Variants in PRKG1 observed in about 807,000 individuals in gnomAD.
The protein encoded by PRKG1 is cGMP-dependent protein kinase 1.
PRKG1 carries 35 observed loss-of-function variants against 88.1 expected under a neutral mutation model. The ratio of observed to expected loss-of-function variants is 0.40; its 90% CI spans 0.30 to 0.53. The LOEUF (loss-of-function observed/expected upper bound fraction) is 0.53, where lower values mean the gene tolerates loss of function less well. Ranked by LOEUF, PRKG1 falls within the 20% of genes least tolerant of loss-of-function variation. PRKG1 has a pLI of 0.59. For missense variants in PRKG1, 540 were observed against 839.8 expected, an observed-to-expected ratio of 0.64 and a Z score of 4.41; for synonymous variants, 303 against 292.5, an observed-to-expected ratio of 1.04 and a Z score of -0.37.
intron 1 of PRKG1, among the ~76,000 whole-genome samples, chr10:51,122,025 C>T (rs1355517227): frequency 2.6e-5 from 4 of 152,118 alleles, no homozygotes; most frequent in African/African-American, 7.2e-5. Context: ...GTACATCTGT[C>T]GTACCTTCTG....
chr10:52,071,315 C>T lies in PRKG1; in HGVS notation c.935+8684C>T, dbSNP rs117234370. Among the ~76,000 whole-genome samples, 776 of 152,140 alleles carry T rather than the reference C, an allele frequency of 5.1e-3. 3 individuals are homozygous for T. Among genetic ancestry groups the T allele is most frequent in the Non-Finnish European group, 8.0e-3 (547 of 68,006 alleles). ...CCATCTCTGCCTCCCCTCTTTTCAA[C>T]TCTCTAGTGTCTATTGTTCCCATGA... On this transcript the variant is annotated intron_variant, in intron 7 of 17. Coordinates refer to ENST00000373980, the MANE Select transcript of PRKG1 (RefSeq NM_006258.4).
At chr10:51,744,338 C>G (rs1238870660) in intron 3 of PRKG1, among the ~76,000 whole-genome samples, 4 of 152,160 alleles carry the variant, frequency 2.6e-5, no homozygotes, top group Non-Finnish European at 5.9e-5. Flanking sequence ...ATGGAGGCTG[C>G]AACCAGAGTC....
At chr10:51,656,607 G>A (rs930229414) in intron 3 of PRKG1, among the ~76,000 whole-genome samples, 2 of 151,972 alleles carry the variant, frequency 1.3e-5, no homozygotes, top group African/African-American at 2.4e-5. Context: ...GGCTATAATG[G>A]CCTCCTAACT....
chr10:51,160,467 T>C (rs1846330414), intron 2 of PRKG1, among the ~76,000 whole-genome samples: 1 of 152,192 alleles, frequency 6.6e-6, no homozygotes, highest in Non-Finnish European at 1.5e-5. Context: ...TTCCTGGGTC[T>C]TAATGTATGT....
chr10:51,654,739 T>C (rs1405762239), intron 3 of PRKG1, among the ~76,000 whole-genome samples: 1 of 152,290 alleles, frequency 6.6e-6, no homozygotes, highest in Non-Finnish European at 1.5e-5. Context: ...ATAAATCACC[T>C]ATTTATTCTT....
At chr10:51,845,106 C>T (rs1419172201) in intron 4 of PRKG1, among the ~76,000 whole-genome samples, 2 of 152,144 alleles carry the variant, frequency 1.3e-5, no homozygotes, top group Admixed American at 6.6e-5. Flanking sequence ...CTCAAAATAT[C>T]CTTGAGGGCT....
intron 2 of PRKG1, among the ~76,000 whole-genome samples, chr10:51,358,272 G>A (rs1056977110): frequency 1.3e-5 from 2 of 151,858 alleles, no homozygotes; most frequent in Non-Finnish European, 2.9e-5. Context: ...TTCAGAGAGA[G>A]CAATCCAAGA....
intron 2 of PRKG1, among the ~76,000 whole-genome samples, chr10:51,230,122 A>G (rs1051015365): frequency 1.3e-5 from 2 of 152,034 alleles, no homozygotes; most frequent in African/African-American, 4.8e-5. Context: ...TCAGAAAACT[A>G]ACTAAGTAAA....
chr10:51,644,420 T>G (rs1393073906), intron 3 of PRKG1, among the ~76,000 whole-genome samples: 2 of 152,216 alleles, frequency 1.3e-5, no homozygotes, highest in Non-Finnish European at 2.9e-5. Flanking sequence ...ATGTTCAAAT[T>G]CTTGATTTAT....
rs1564511360 is a variant in PRKG1 at position 52,193,562 on chromosome 10, AC to A, written c.1076+31600del. Among the ~76,000 whole-genome samples the A allele has an allele frequency of 1.4e-3, 164 of 120,050 alleles. 6 individuals carry two copies. Among genetic ancestry groups the A allele is most frequent in the African/African-American group, 5.5e-3 (155 of 28,142 alleles). 78.8% of individuals were successfully genotyped at this position (120,050 alleles called of 152,430 possible). On this transcript the variant is annotated intron_variant, in intron 9 of 17. Transcript: ENST00000373980. Reference sequence around the variant, plus strand: ...AGACTCTGTCTCAAAAAAAAAAAAAACAAAAAAAAAAAACAAAAAAAAAACT... The same window carrying A: ...AGACTCTGTCTCAAAAAAAAAAAAAAAAAAAAAAAAAACAAAAAAAAAACT...
chr10:51,046,408 G>A (rs1843488740), intron 1 of PRKG1, among the ~76,000 whole-genome samples: 1 of 152,080 alleles, frequency 6.6e-6, no homozygotes, highest in Admixed American at 6.6e-5. Flanking sequence ...ATACTGTTAG[G>A]GCATTTTCTT....
chr10:51,704,643 G>A (rs1212952254), intron 3 of PRKG1, among the ~76,000 whole-genome samples: 1 of 152,188 alleles, frequency 6.6e-6, no homozygotes, highest in Non-Finnish European at 1.5e-5. Context: ...GCATAGATAG[G>A]TAGAAGATGA....
chr10:52,223,317 A>G (rs1328237259), intron 9 of PRKG1, among the ~76,000 whole-genome samples: 1 of 146,378 alleles, frequency 6.8e-6, no homozygotes, highest in Non-Finnish European at 1.5e-5. Context: ...TCAAGTTTTG[A>G]TTATCACGTC....
chr10:51,831,629 C>T (rs1012508281), intron 4 of PRKG1, among the ~76,000 whole-genome samples: 2 of 152,152 alleles, frequency 1.3e-5, no homozygotes, highest in African/African-American at 4.8e-5. Flanking sequence ...CCTTTGAGTT[C>T]ACTATATTCC....
intron 1 of PRKG1, among the ~76,000 whole-genome samples, chr10:51,099,112 T>A (rs1844614432): frequency 1.3e-5 from 2 of 152,266 alleles, no homozygotes; most frequent in Non-Finnish European, 2.9e-5. Context: ...CCTTAATAAA[T>A]TCTTGCATGT....
chr10:51,909,340 C>A (rs1842162730), intron 5 of PRKG1: 1 of 151,842 alleles, frequency 6.6e-6, no homozygotes, highest in Non-Finnish European at 1.5e-5. Flanking sequence ...TTCTGTGGGA[C>A]CAAATGCGGA....
intron 3 of PRKG1, among the ~76,000 whole-genome samples, chr10:51,688,878 T>C (rs1197305752): frequency 2.6e-5 from 4 of 152,172 alleles, no homozygotes; most frequent in Non-Finnish European, 2.9e-5. Flanking sequence ...TCAAATCTCA[T>C]CTTGTAGCTC....
intron 5 of PRKG1, among the ~76,000 whole-genome samples, chr10:52,014,834 A>G (rs983518117): frequency 4.6e-5 from 7 of 152,354 alleles, no homozygotes; most frequent in African/African-American, 1.7e-4. Flanking sequence ...CAGGGCATTC[A>G]TTAAATCTTA....
At position 52,282,180 on chromosome 10, in the gene PRKG1, G is replaced by C. The variant is rs757178752; in HGVS notation, c.1573G>C (p.Gly525Arg). ...TGATTTTGGCTTTGCAAAGAAAATAGGATTTGGAAAGAAAACATGGACTTT... is the reference window on the plus strand; with the variant it reads ...TGATTTTGGCTTTGCAAAGAAAATACGATTTGGAAAGAAAACATGGACTTT... ...LVDFGFAKKI[G>R]FGKKTWTFCG... The change falls in exon 14 of 18, where the codon GGA (glycine) becomes CGA (arginine). Residue 525 changes from glycine (G) to arginine (R), a missense_variant. By Grantham distance (125) the Gly-to-Arg change is moderately radical (BLOSUM62 -2). Around this residue, in one of 5 missense-constraint regions of PRKG1, gnomAD observed 97 missense variants for 210.6 expected, o/e 0.46. Coordinates refer to ENST00000373980, the MANE Select transcript of PRKG1 (RefSeq NM_006258.4). The C allele has an allele frequency of 1.2e-6, 2 of 1,604,394 alleles. No individual in the cohort carries two copies. The highest frequency in any genetic ancestry group is 1.7e-6 in the Non-Finnish European group (2 of 1,174,692).
Sources: gnomAD v4.1 joint callset for allele counts (sites outside exome capture counted in the v4.1 genomes callset) on GRCh38, gnomAD v4.1.1 for gene constraint, gnomAD v4.1.1 regional missense constraint, MANE v1.5 for transcripts, NCBI Gene and HGNC (gene_info 2026-07-23, HGNC 2026-07-21) for gene names.